ANKS1B: variants seen among roughly 807,000 people sequenced by gnomAD.
ANKS1B encodes ankyrin repeat and sterile alpha motif domain containing 1B.
In ANKS1B, 36 loss-of-function variants were observed where a neutral mutation model predicts 148.3. The observed-to-expected ratio is 0.24, with a 90% confidence interval of 0.19 to 0.32. ANKS1B has a LOEUF of 0.32. ANKS1B is among the 10% of genes least tolerant of loss of function. ANKS1B has a pLI of 1.00. For missense variants in ANKS1B, 1,157 were observed against 1,542.6 expected, an observed-to-expected ratio of 0.75 and a Z score of 4.19; for synonymous variants, 542 against 560.8, an observed-to-expected ratio of 0.97 and a Z score of 0.47.
At chr12:99,594,920 A>G (rs2097742751) in intron 9 of ANKS1B, among the ~76,000 whole-genome samples, 1 of 151,984 alleles carries the variant, frequency 6.6e-6, no homozygotes, top group Non-Finnish European at 1.5e-5. Context: ...CTGGCCTAAA[A>G]CTACAGAGTA....
chr12:99,102,406 G>A (rs2058153010), intron 15 of ANKS1B, among the ~76,000 whole-genome samples: 1 of 131,204 alleles, frequency 7.6e-6, no homozygotes, highest in South Asian at 2.5e-4. Flanking sequence ...ACAGGAAGTT[G>A]CTTTATTTTC....
intron 12 of ANKS1B, among the ~76,000 whole-genome samples, chr12:99,345,729 T>C (rs1260958730): frequency 6.6e-6 from 1 of 151,906 alleles, no homozygotes; most frequent in Non-Finnish European, 1.5e-5. Flanking sequence ...TGGGTCTCTT[T>C]TCATTCTGAT....
At chr12:99,435,539 T>C (rs1429187690) in intron 11 of ANKS1B, among the ~76,000 whole-genome samples, 2 of 152,008 alleles carry the variant, frequency 1.3e-5, no homozygotes, top group Non-Finnish European at 2.9e-5. Context: ...ACCATTATAA[T>C]AACAAGTTGG....
At chr12:99,346,184 C>T (rs937778784) in intron 12 of ANKS1B, among the ~76,000 whole-genome samples, 1 of 151,962 alleles carries the variant, frequency 6.6e-6, no homozygotes, top group Non-Finnish European at 1.5e-5. Flanking sequence ...ATTGGGATAT[C>T]ATATGAATTC....
At chr12:98,910,331 A>G (rs1445114199) in intron 17 of ANKS1B, among the ~76,000 whole-genome samples, 1 of 152,214 alleles carries the variant, frequency 6.6e-6, no homozygotes, top group Non-Finnish European at 1.5e-5. Flanking sequence ...CAGACATTCA[A>G]TACATGTTTG....
At chr12:99,229,250 T>G (rs1334151766) in intron 14 of ANKS1B, among the ~76,000 whole-genome samples, 1 of 151,894 alleles carries the variant, frequency 6.6e-6, no homozygotes, top group African/African-American at 2.4e-5. Context: ...TGGTAATATA[T>G]ATAGATACAA....
At chr12:99,489,372 C>A (rs147139101) in intron 10 of ANKS1B, among the ~76,000 whole-genome samples, 11 of 151,652 alleles carry the variant, frequency 7.3e-5, no homozygotes, top group Non-Finnish European at 1.3e-4. Context: ...AAGTATGATA[C>A]GGGGAAAGTA....
intron 11 of ANKS1B, among the ~76,000 whole-genome samples, chr12:99,410,931 C>G (rs925740047): frequency 2.0e-5 from 3 of 152,330 alleles, no homozygotes; most frequent in Non-Finnish European, 4.4e-5. Flanking sequence ...AGGGCAGATT[C>G]TTACAGGAAT....
At chr12:99,068,703 CAGAGAG>C (rs10554812) in intron 16 of ANKS1B, among the ~76,000 whole-genome samples, 228 of 143,826 alleles carry the variant, frequency 1.6e-3, no homozygotes, top group Non-Finnish European at 1.4e-3. Context: ...GGGTGGGGGG[CAGAGAG>C]AGAGAGAGAG....
chr12:99,076,321 T>A (rs772078288), intron 16 of ANKS1B, among the ~76,000 whole-genome samples: 1 of 151,882 alleles, frequency 6.6e-6, no homozygotes, highest in Non-Finnish European at 1.5e-5. Context: ...AGGAAGAAGA[T>A]GAGAGAATTA....
downstream of ANKS1B, among the ~76,000 whole-genome samples, chr12:98,743,606 A>G (rs7968661): frequency 0.35 from 53,455 of 151,958 alleles, 9,929 homozygotes; most frequent in African/African-American, 0.49. Context: ...TGCTGTGTGT[A>G]TAGAAAAAAA....
chr12:99,111,419 C>T (rs560762231), intron 15 of ANKS1B, among the ~76,000 whole-genome samples: 1 of 152,250 alleles, frequency 6.6e-6, no homozygotes, highest in East Asian at 1.9e-4. Flanking sequence ...GTCCTCATAG[C>T]TTTCTATTTT....
At chr12:99,968,703 G>A (rs1248537265) in intron 1 of ANKS1B, among the ~76,000 whole-genome samples, 4 of 152,180 alleles carry the variant, frequency 2.6e-5, no homozygotes, top group Non-Finnish European at 2.9e-5. Flanking sequence ...CCGAAATGTG[G>A]TTCCCAGTGT....
At chr12:98,797,444 A>C (rs749328051) in intron 22 of ANKS1B, among the ~76,000 whole-genome samples, 3 of 152,182 alleles carry the variant, frequency 2.0e-5, no homozygotes, top group Non-Finnish European at 4.4e-5. Flanking sequence ...GACACTGTAA[A>C]GACTCAGTAA....
intron 1 of ANKS1B, among the ~76,000 whole-genome samples, chr12:99,983,467 T>C (rs1016549015): frequency 6.6e-6 from 1 of 152,170 alleles, no homozygotes; most frequent in Non-Finnish European, 1.5e-5. Flanking sequence ...CAACCTGGCA[T>C]CCTTCATCCT....
intron 10 of ANKS1B, among the ~76,000 whole-genome samples, chr12:99,464,503 G>A (rs1365986641): frequency 2.0e-5 from 3 of 152,178 alleles, no homozygotes; most frequent in Non-Finnish European, 4.4e-5. Flanking sequence ...CAAGCTACAG[G>A]AGGAAATTCA....
intron 12 of ANKS1B, among the ~76,000 whole-genome samples, chr12:99,336,510 G>A (rs757663224): frequency 2.0e-5 from 3 of 151,942 alleles, no homozygotes; most frequent in Middle Eastern, 3.2e-3. Context: ...GACATTAGAT[G>A]TATGTCTTTA....
intron 2 of ANKS1B, 149 bp downstream of exon 2, chr12:99,825,159 TA>T: frequency 1.6e-6 from 1 of 618,862 alleles, no homozygotes; most frequent in Non-Finnish European, 2.9e-6. Flanking sequence ...CTACCAAGTC[TA>T]ACTTGTCAGT....
chr12:99,639,239 G>A (rs1417705103), intron 9 of ANKS1B, among the ~76,000 whole-genome samples: 1 of 152,190 alleles, frequency 6.6e-6, no homozygotes, highest in Non-Finnish European at 1.5e-5. Context: ...TAGCCCCTTT[G>A]TTTTGGCCAA....
Sources: allele counts gnomAD v4.1 joint callset (sites outside exome capture counted in the v4.1 genomes callset), GRCh38; gene constraint gnomAD v4.1.1; transcripts MANE v1.5; gene names NCBI Gene and HGNC (gene_info 2026-07-23, HGNC 2026-07-21).